The following CLYBL variants were observed in gnomAD, a reference collection of about 807,000 sequenced individuals.
CLYBL encodes citramalyl-CoA lyase, mitochondrial.
Under a neutral mutation model 38.9 loss-of-function variants are expected in CLYBL, and 31 were observed. The ratio of observed to expected loss-of-function variants is 0.80; its 90% CI spans 0.60 to 1.08. The LOEUF is 1.08. CLYBL is among the 50% of genes least tolerant of loss of function. The probability of loss-of-function intolerance (pLI) is 0.00; values close to 1 mark genes in which losing one functional copy is unlikely to be tolerated. For synonymous variants in CLYBL, 171 were observed against 158.6 expected, an observed-to-expected ratio of 1.08 and a Z score of -0.59; for missense variants, 434 against 411.6, an observed-to-expected ratio of 1.05 and a Z score of -0.47.
chr13:99,697,084 G>T (rs2047991152), intron 1 of CLYBL, among the ~76,000 whole-genome samples: 1 of 152,082 alleles, frequency 6.6e-6, no homozygotes, highest in East Asian at 1.9e-4. Context: ...CTTTATTATT[G>T]TGGGGTCTTA....
At position 99,672,399 on chromosome 13, in the gene CLYBL, G is replaced by A. The variant is rs1041157230; in HGVS notation, c.62+65642G>A. Among the ~76,000 whole-genome samples, 5 of 152,064 alleles carry A rather than the reference G, an allele frequency of 3.3e-5. 1 individual carries two copies. Among genetic ancestry groups the A allele is most frequent in the Admixed American group, 6.5e-5 (1 of 15,276 alleles). ...CTATCAGTTTTTCTTTACTGGGTAAGTATAAATATCTAAACATCCACAAGA... is the reference window on the plus strand; with the variant it reads ...CTATCAGTTTTTCTTTACTGGGTAAATATAAATATCTAAACATCCACAAGA... On this transcript the variant is annotated intron_variant, in intron 1 of 8. Coordinates refer to ENST00000339105, the MANE Select transcript of CLYBL (RefSeq NM_206808.5).
At chr13:99,881,678 T>G (rs1231836128) in intron 7 of CLYBL, among the ~76,000 whole-genome samples, 2 of 152,060 alleles carry the variant, frequency 1.3e-5, no homozygotes, top group Admixed American at 6.6e-5. Context: ...CCTCCCGTCT[T>G]GGTCTCCCAA....
At chr13:99,626,551 G>A (rs913336780) in intron 1 of CLYBL, among the ~76,000 whole-genome samples, 3 of 152,126 alleles carry the variant, frequency 2.0e-5, no homozygotes, top group African/African-American at 7.2e-5. Flanking sequence ...TTCACAGTGC[G>A]CTGTGAAACC....
At chr13:99,799,402 CACTT>C (rs1054380191) in intron 2 of CLYBL, among the ~76,000 whole-genome samples, 2 of 151,668 alleles carry the variant, frequency 1.3e-5, no homozygotes, top group Non-Finnish European at 2.9e-5. Context: ...CATACACACA[CACTT>C]AATAGTATAT....
chr13:99,875,661 G>A (rs1303032441), intron 7 of CLYBL, among the ~76,000 whole-genome samples: 1 of 152,128 alleles, frequency 6.6e-6, no homozygotes, highest in Admixed American at 6.6e-5. Flanking sequence ...ATCTAAAGAC[G>A]TGGTTGTTGT....
downstream of CLYBL, chr13:99,896,246 T>TC (rs1473725702): frequency 3.3e-5 from 5 of 151,796 alleles, no homozygotes; most frequent in East Asian, 7.8e-4. Flanking sequence ...CGGCCCCGTG[T>TC]CCCCGCGGAG....
intron 7 of CLYBL, among the ~76,000 whole-genome samples, chr13:99,883,639 T>C (rs186022981): frequency 1.3e-5 from 2 of 152,258 alleles, no homozygotes; most frequent in African/African-American, 4.8e-5. Context: ...TTTTGAGCCA[T>C]AGACAGAGCC....
At chr13:99,746,359 T>C (rs1418301440) in intron 1 of CLYBL, among the ~76,000 whole-genome samples, 2 of 35,034 alleles carry the variant, frequency 5.7e-5, no homozygotes, top group East Asian at 5.3e-4. Flanking sequence ...AATACTATTT[T>C]TTTTTTTTTT....
intron 9 of CLYBL, among the ~76,000 whole-genome samples, chr13:99,907,179 C>T (rs377651244): frequency 1.3e-5 from 2 of 152,310 alleles, no homozygotes; most frequent in East Asian, 1.9e-4. Context: ...AAATGCGAGT[C>T]TGGAGCTGAA....
At chr13:99,908,999 A>G (rs1186917962) in exon 10 of CLYBL, among the ~76,000 whole-genome samples, 1 of 152,246 alleles carries the variant, frequency 6.6e-6, no homozygotes, top group Non-Finnish European at 1.5e-5. Context: ...CTCAAATTCA[A>G]TGTGATTAAT....
chr13:99,692,654 A>G lies in CLYBL; in HGVS notation c.63-80170A>G, dbSNP rs561362289. Among the ~76,000 whole-genome samples, 28 of 152,208 alleles carry G rather than the reference A, an allele frequency of 1.8e-4. 1 individual carries two copies. The highest frequency in any genetic ancestry group is 1.5e-3 in the Admixed American group (23 of 15,282). ...TTTCAGTCTCTTCACAAAGTTGTGT[A>G]ATGATCATCACTATCTAATTCTAGA... On this transcript the variant is annotated intron_variant, in intron 1 of 8. Coordinates refer to ENST00000339105, the MANE Select transcript of CLYBL (RefSeq NM_206808.5).
At chr13:99,742,778 T>A (rs2048778557) in intron 1 of CLYBL, among the ~76,000 whole-genome samples, 1 of 152,306 alleles carries the variant, frequency 6.6e-6, no homozygotes, top group East Asian at 1.9e-4. Flanking sequence ...GGCTGTTGGA[T>A]GTTGAAGAGA....
At chr13:99,687,008 T>G (rs931986886) in intron 1 of CLYBL, among the ~76,000 whole-genome samples, 1 of 152,224 alleles carries the variant, frequency 6.6e-6, no homozygotes, top group African/African-American at 2.4e-5. Context: ...CCAGCCCTAA[T>G]AGCTCCAAGG....
intron 1 of CLYBL, among the ~76,000 whole-genome samples, chr13:99,761,567 T>C (rs950123323): frequency 6.6e-6 from 1 of 152,232 alleles, no homozygotes; most frequent in African/African-American, 2.4e-5. Flanking sequence ...TCTTTATGCA[T>C]TGATAGACAC....
At chr13:99,731,582 C>T (rs562318521) in intron 1 of CLYBL, among the ~76,000 whole-genome samples, 1 of 151,352 alleles carries the variant, frequency 6.6e-6, no homozygotes, top group East Asian at 1.9e-4. Flanking sequence ...AGAACAGAGA[C>T]ATTGGCCACT....
intron 1 of CLYBL, among the ~76,000 whole-genome samples, chr13:99,744,058 C>G (rs1361440877): frequency 1.3e-5 from 2 of 150,390 alleles, no homozygotes; most frequent in African/African-American, 4.9e-5. Flanking sequence ...CTGCAAGCTC[C>G]GCCTCCCGGG....
rs766537094 is a variant in CLYBL, at chr13:99,858,937, A to G, written c.326A>G (p.Asn109Ser). Reference sequence around the variant, plus strand: ...CCTACTGAAAAATGTGTGAGAGTCAACTCAGTTTCCAGTGGTCTGGCGGAA... The same window carrying G: ...CCTACTGAAAAATGTGTGAGAGTCAGCTCAGTTTCCAGTGGTCTGGCGGAA... ...LGPTEKCVRV[N>S]SVSSGLAEED... is the part of the protein sequence containing the mutation. Residue 109 changes from asparagine to serine, a missense_variant, in exon 3 of 9, where the codon AAC (asparagine) becomes AGC (serine). Asn to Ser is a conservative substitution (Grantham distance 46). Coordinates refer to ENST00000339105, the MANE Select transcript of CLYBL (RefSeq NM_206808.5). 3.7e-6 allele frequency: 6 copies of G among 1,613,954 alleles called. No individual in the cohort carries two copies. Among genetic ancestry groups the G allele is most frequent in the South Asian group, 3.3e-5 (3 of 91,072 alleles).
intron 1 of CLYBL, among the ~76,000 whole-genome samples, chr13:99,700,381 TTGCGGTGA>T (rs1320592049): frequency 6.6e-6 from 1 of 151,876 alleles, no homozygotes; most frequent in African/African-American, 2.4e-5. Context: ...GAGGCGGAGG[TTGCGGTGA>T]GCGGAGATCG....
chr13:99,837,582 TAAA>T (rs2050968686), intron 2 of CLYBL, among the ~76,000 whole-genome samples: 1 of 152,234 alleles, frequency 6.6e-6, no homozygotes, highest in South Asian at 2.1e-4. Flanking sequence ...TGTCACCTAG[TAAA>T]ATGGAGCTAC....
Sources: gnomAD v4.1 joint callset for allele counts (sites outside exome capture counted in the v4.1 genomes callset) on GRCh38, gnomAD v4.1.1 for gene constraint, MANE v1.5 for transcripts, NCBI Gene and HGNC (gene_info 2026-07-23, HGNC 2026-07-21) for gene names.